The following PRUNE2 variants were observed in gnomAD, a reference collection of about 807,000 sequenced individuals.
The protein encoded by PRUNE2 is prune homolog 2 with BCH domain.
A neutral mutation model predicts 252.0 loss-of-function variants in PRUNE2; 164 were observed. The ratio of observed to expected loss-of-function variants is 0.65; its 90% CI spans 0.57 to 0.74. The LOEUF is 0.74. Among genes scored for constraint, PRUNE2 ranks in the 30% least tolerant of loss-of-function variants. PRUNE2 has a pLI of 0.00. For synonymous variants in PRUNE2, 1,292 were observed against 1,350.2 expected, an observed-to-expected ratio of 0.96 and a Z score of 0.94; for missense variants, 3,495 against 3,711.0, an observed-to-expected ratio of 0.94 and a Z score of 1.51.
chr9:76,759,981 C>T (rs2051541522), intron 6 of PRUNE2: 1 of 152,320 alleles, frequency 6.6e-6, no homozygotes, highest in South Asian at 2.1e-4. Context: ...TGTCACACGT[C>T]CTGCGAGGGC....
intron 9 of PRUNE2, among the ~76,000 whole-genome samples, chr9:76,658,822 C>A (rs1489779746): frequency 6.6e-6 from 1 of 152,196 alleles, no homozygotes; most frequent in Non-Finnish European, 1.5e-5. Flanking sequence ...GGTACTGTGA[C>A]ATTAACACCA....
chr9:76,630,571 C>T (rs1837130790), intron 15 of PRUNE2, among the ~76,000 whole-genome samples: 1 of 152,230 alleles, frequency 6.6e-6, no homozygotes, highest in African/African-American at 2.4e-5. Flanking sequence ...GTCGCCCAGG[C>T]TGGAGTGCAG....
At chr9:76,885,962 G>C (rs927240365) in intron 1 of PRUNE2, among the ~76,000 whole-genome samples, 1 of 151,786 alleles carries the variant, frequency 6.6e-6, no homozygotes, top group Non-Finnish European at 1.5e-5. Flanking sequence ...GCCAGATCAC[G>C]AGGTCAAGAG....
chr9:76,615,184 AACTC>A (rs1426863861), intron 18 of PRUNE2: 1 of 985,168 alleles, frequency 1.0e-6, no homozygotes, highest in Non-Finnish European at 1.2e-6. Flanking sequence ...GTAAGCCTAA[AACTC>A]ACTCGAATCA....
chr9:76,706,847 T>C lies in PRUNE2; in HGVS notation c.5427A>G (p.Pro1809=). 6 of 1,595,374 alleles carry C rather than the reference T, an allele frequency of 3.8e-6. No homozygotes were observed. Among genetic ancestry groups the C allele is most frequent in the Non-Finnish European group, 5.1e-6 (6 of 1,170,966 alleles). ...CCAGTTGAGAATTATCTTCGTTCTT[T>C]GGGAACGAAGCTTTGGGAGATATTT... ...AWQISPKASF[P]KNEDNSQLEM... Residue 1809 remains proline, a synonymous_variant, in exon 8 of 19, where the codon CCA becomes CCG. Coordinates refer to ENST00000376718, the MANE Select transcript of PRUNE2 (RefSeq NM_015225.3).
intron 1 of PRUNE2, among the ~76,000 whole-genome samples, chr9:76,889,814 CCT>C (rs1324850214): frequency 6.6e-6 from 1 of 152,156 alleles, no homozygotes; most frequent in Non-Finnish European, 1.5e-5. Context: ...ACCGCTCCTG[CCT>C]CCTGGCTCAT....
At chr9:76,858,451 C>A (rs1437794531) in intron 1 of PRUNE2, among the ~76,000 whole-genome samples, 1 of 152,138 alleles carries the variant, frequency 6.6e-6, no homozygotes, top group Non-Finnish European at 1.5e-5. Flanking sequence ...AGTTCATGTT[C>A]TTTGCAGGGA....
intron 6 of PRUNE2, among the ~76,000 whole-genome samples, chr9:76,770,003 G>A (rs2052914148): frequency 6.6e-6 from 1 of 152,048 alleles, no homozygotes; most frequent in African/African-American, 2.4e-5. Flanking sequence ...CCATTTCTTA[G>A]GATTAAAAAC....
At chr9:76,649,643 T>TAGATAGATAGATAGATAGAC (rs1276301453) in intron 11 of PRUNE2, among the ~76,000 whole-genome samples, 2 of 150,636 alleles carry the variant, frequency 1.3e-5, no homozygotes, top group African/African-American at 5.0e-5. Flanking sequence ...GATAGATAGA[T>TAGATAGATAGATAGATAGAC]AGAATAGGCT....
At chr9:76,698,059 T>C (rs1247356332) in intron 9 of PRUNE2, among the ~76,000 whole-genome samples, 3 of 152,102 alleles carry the variant, frequency 2.0e-5, no homozygotes, top group African/African-American at 7.2e-5. Context: ...GGATTTTTTT[T>C]TTTTTTTGAC....
At position 76,725,778 on chromosome 9, in the gene PRUNE2, G is replaced by C. The variant is rs560712899; in HGVS notation, c.757-12057C>G. 2.6e-5 allele frequency among the ~76,000 whole-genome samples: 4 copies of C among 152,312 alleles called. No individual in the cohort carries two copies. The East Asian group carries it at 7.7e-4, about 29-fold the overall frequency. On this transcript the variant is annotated intron_variant, in intron 6 of 18. Transcript: ENST00000376718. ...TACCAGAAACCCCCTCCTGAAAACAGATACACTCTGGGGTTTGTGGTTTTA... is the reference window on the plus strand; with the variant it reads ...TACCAGAAACCCCCTCCTGAAAACACATACACTCTGGGGTTTGTGGTTTTA...
chr9:76,824,326 T>G (rs192801359), intron 5 of PRUNE2, among the ~76,000 whole-genome samples: 4 of 152,254 alleles, frequency 2.6e-5, no homozygotes, highest in Admixed American at 2.6e-4. Context: ...AACATCACCA[T>G]GCAAACTAGT....
intron 6 of PRUNE2, among the ~76,000 whole-genome samples, chr9:76,754,256 A>C (rs1346992900): frequency 2.0e-5 from 3 of 152,102 alleles, no homozygotes; most frequent in Non-Finnish European, 4.4e-5. Flanking sequence ...AGAACCTGCT[A>C]ATTTGTGGGA....
intron 9 of PRUNE2, among the ~76,000 whole-genome samples, chr9:76,665,282 T>C (rs1282392666): frequency 1.3e-5 from 2 of 152,156 alleles, no homozygotes; most frequent in African/African-American, 4.8e-5. Context: ...CTTGCCAATC[T>C]TGCTGTCCTG....
At chr9:76,815,795 AT>A in intron 6 of PRUNE2, among the ~76,000 whole-genome samples, 1 of 152,170 alleles carries the variant, frequency 6.6e-6, no homozygotes, top group African/African-American at 2.4e-5. Flanking sequence ...AAACTGACCA[AT>A]AGGTAAAGCA....
chr9:76,757,706 A>G (rs1346977188), intron 6 of PRUNE2, among the ~76,000 whole-genome samples: 1 of 152,158 alleles, frequency 6.6e-6, no homozygotes. Context: ...TCATACCTGT[A>G]ACTCCAGCAT....
In PRUNE2 at chr9:76,638,275, G is replaced by C; in HGVS notation, c.8742C>G (p.Asp2914Glu). Residue 2914 changes from aspartate to glutamate, a missense_variant, in exon 13 of 19, where the codon GAC (aspartate) becomes GAG (glutamate). Coordinates refer to ENST00000376718, the MANE Select transcript of PRUNE2 (RefSeq NM_015225.3). ...CAAACACAATGATGGCATTTAGACC[G>C]TCCCCATAGTATCCTGGGGGACAAA... is the stretch of plus-strand genomic sequence containing the variant. ...RVISHGGYYG[D>E]GLNAIIVFAA... The C allele has an allele frequency of 6.2e-7, 1 of 1,612,706 alleles. No homozygotes were observed. The highest frequency in any genetic ancestry group is 8.5e-7 in the Non-Finnish European group (1 of 1,178,882).
chr9:76,785,564 T>C (rs1301654155), intron 6 of PRUNE2: 2 of 152,138 alleles, frequency 1.3e-5, no homozygotes, highest in African/African-American at 4.8e-5. Flanking sequence ...TCATGGTGAG[T>C]GCGCTTTAGA....
At chr9:76,715,195 C>A (rs1398348951) in intron 6 of PRUNE2, among the ~76,000 whole-genome samples, 1 of 152,172 alleles carries the variant, frequency 6.6e-6, no homozygotes. Context: ...TTTCCCCATA[C>A]CCACATTAAT....
Sources: gnomAD v4.1 joint callset for allele counts (sites outside exome capture counted in the v4.1 genomes callset) on GRCh38, gnomAD v4.1.1 for gene constraint, MANE v1.5 for transcripts, NCBI Gene and HGNC (gene_info 2026-07-23, HGNC 2026-07-21) for gene names.